Variants in NEK1 observed in about 807,000 individuals in gnomAD.
The protein encoded by NEK1 is serine/threonine-protein kinase Nek1.
In NEK1, 137 loss-of-function variants were observed where a neutral mutation model predicts 182.1. That is an observed-to-expected ratio of 0.75 (90% confidence interval 0.65 to 0.87). The LOEUF (loss-of-function observed/expected upper bound fraction) is 0.87. Ranked by LOEUF, NEK1 falls within the 40% of genes least tolerant of loss-of-function variation. NEK1 has a pLI of 0.00. For missense variants in NEK1, 1,391 were observed against 1,494.4 expected, an observed-to-expected ratio of 0.93 and a Z score of 1.14; for synonymous variants, 513 against 492.2, an observed-to-expected ratio of 1.04 and a Z score of -0.56.
At chr4:169,496,837 T>C (rs1370352965) in intron 23 of NEK1, among the ~76,000 whole-genome samples, 1 of 152,196 alleles carries the variant, frequency 6.6e-6, no homozygotes, top group Non-Finnish European at 1.5e-5. Context: ...TACATCGATG[T>C]TCATCAGGGA....
rs556130813 is a variant in NEK1 at position 169,469,402 on chromosome 4, G to A, written c.2435-6007C>T. Among the ~76,000 whole-genome samples, 3 of 152,262 alleles carry A rather than the reference G, an allele frequency of 2.0e-5. No homozygotes were observed. In the East Asian group the frequency reaches 5.8e-4, roughly 29 times the overall value. On this transcript the variant is annotated intron_variant, in intron 26 of 35. Transcript: ENST00000507142. The stretch of plus-strand genomic sequence containing the variant: ...CCCAGTAGTCATTCAGGAGCAGGTT[G>A]TTCAGTTTCCATGTAGTTGTGAGGT...
intron 26 of NEK1, among the ~76,000 whole-genome samples, chr4:169,474,181 G>C (rs1405516009): frequency 6.6e-6 from 1 of 152,144 alleles, no homozygotes; most frequent in African/African-American, 2.4e-5. Context: ...TGAAAGGTGA[G>C]AAGTAGTTCT....
chr4:169,473,755 C>T (rs777881807), intron 26 of NEK1, among the ~76,000 whole-genome samples: 1 of 151,906 alleles, frequency 6.6e-6, no homozygotes, highest in Non-Finnish European at 1.5e-5. Context: ...GAGAGGTCTA[C>T]TATTAATAGA....
In NEK1 at chr4:169,580,908, A is replaced by T. The variant is rs1261801749; in HGVS notation, c.808-6T>A. On this transcript the variant is annotated splice_region_variant and splice_polypyrimidine_tract_variant and intron_variant, in intron 10 of 35. Transcript: ENST00000507142. ...CAAAATTCTTCTGCAATAAGCTGAG[A>T]TTGAAAGAGAAAAAAATTAGAAAAG... 2 of 1,480,430 alleles carry T rather than the reference A, an allele frequency of 1.4e-6. No homozygotes were observed. Among genetic ancestry groups the T allele is most frequent in the Admixed American group, 4.5e-5 (2 of 44,750 alleles). The allele number at this position is 1,480,430 out of a possible 1,614,324, so 91.7% of individuals were successfully genotyped here. A position where few individuals can be genotyped will look rare whatever the true frequency, so the allele number is the denominator to read the frequency against.
At chr4:169,496,150 A>G (rs1378087108) in intron 23 of NEK1, among the ~76,000 whole-genome samples, 1 of 152,142 alleles carries the variant, frequency 6.6e-6, no homozygotes, top group Non-Finnish European at 1.5e-5. Flanking sequence ...TAGGTATTTT[A>G]TACTCTTTGA....
At chr4:169,467,305 C>T (rs1337140096) in intron 26 of NEK1, among the ~76,000 whole-genome samples, 1 of 151,908 alleles carries the variant, frequency 6.6e-6, no homozygotes, top group African/African-American at 2.4e-5. Flanking sequence ...GGATTCAACA[C>T]CCCCAACCCC....
chr4:169,590,938 C>T (rs2150093970), intron 5 of NEK1, 129 bp from the exon 6 acceptor site: 1 of 636,494 alleles, frequency 1.6e-6, no homozygotes, highest in East Asian at 2.8e-5. Flanking sequence ...ACTTTGTAGG[C>T]ACTGACATTA....
At chr4:169,424,351 C>G (rs1333943883) in intron 31 of NEK1, among the ~76,000 whole-genome samples, 1 of 152,058 alleles carries the variant, frequency 6.6e-6, no homozygotes. Flanking sequence ...AAAAAAAATC[C>G]TGAACAGGAA....
chr4:169,483,592 C>T lies in NEK1; in HGVS notation c.2008-4058G>A, dbSNP rs114771634. Among the ~76,000 whole-genome samples, 758 of 152,046 alleles carry T rather than the reference C, an allele frequency of 5.0e-3. 8 individuals are homozygous for T. The highest frequency in any genetic ancestry group is 7.8e-3 in the Admixed American group (119 of 15,264). On this transcript the variant is annotated intron_variant, in intron 23 of 35. Transcript: ENST00000507142. ...AAGATGTTACTACAAATAGGCCGGG[C>T]GCAGTGGCTCACACCTGTAATCCCA...
chr4:169,435,875 T>C (rs1482531504), intron 28 of NEK1, among the ~76,000 whole-genome samples: 1 of 152,144 alleles, frequency 6.6e-6, no homozygotes, highest in Non-Finnish European at 1.5e-5. Context: ...TCCAAATTCC[T>C]GACTCAAAAA....
chr4:169,513,714 G>T (rs1754577215), intron 19 of NEK1, among the ~76,000 whole-genome samples: 1 of 152,090 alleles, frequency 6.6e-6, no homozygotes, highest in South Asian at 2.1e-4. Context: ...GATGCCTATT[G>T]TGAGGTTCAG....
At position 169,530,280 on chromosome 4, in the gene NEK1, G is replaced by A. The variant is rs370616925; in HGVS notation, c.1665+7529C>T. Among the ~76,000 whole-genome samples, 24 of 152,270 alleles carry A rather than the reference G, an allele frequency of 1.6e-4. No homozygotes were observed. In the South Asian group the frequency reaches 4.6e-3, roughly 29 times the overall value. ...ACAAAAGGTTACAACATACCATTAC[G>A]TGTGCAGACAGTTTCCCACTTATGA... On this transcript the variant is annotated intron_variant, in intron 19 of 35. Coordinates refer to ENST00000507142, the MANE Select transcript of NEK1 (RefSeq NM_001199397.3).
chr4:169,393,661 C>T lies in NEK1; in HGVS notation c.*849G>A, dbSNP rs1450093660. The T allele has an allele frequency of 6.6e-6, 1 of 152,106 alleles. No individual in the cohort carries two copies. The highest frequency in any genetic ancestry group is 1.5e-5 in the Non-Finnish European group (1 of 68,014). 9.4% of individuals were successfully genotyped at this position (152,106 alleles called of 1,614,324 possible). On this transcript the variant is annotated 3_prime_UTR_variant, in exon 36 of 36. Coordinates refer to ENST00000507142, the MANE Select transcript of NEK1 (RefSeq NM_001199397.3). ...CTAGTTACCAAAACTGTCACAGTGT[C>T]AAAATAAAAATAATTATTTCCTCCT...
rs1184179950 is a variant in NEK1 at position 169,457,020 on chromosome 4, T to C, written c.2587+6223A>G. Among the ~76,000 whole-genome samples the C allele has an allele frequency of 3.3e-5, 5 of 151,976 alleles. No homozygotes were observed. In the East Asian group the frequency reaches 7.7e-4, roughly 23 times the overall value. Reference sequence around the variant, plus strand: ...TTAACAATTAAAATAACTGAACTCATGGTGATAAAGAGAGCAGAATGGTAG... The same window carrying C: ...TTAACAATTAAAATAACTGAACTCACGGTGATAAAGAGAGCAGAATGGTAG... On this transcript the variant is annotated intron_variant, in intron 27 of 35. Coordinates refer to ENST00000507142, the MANE Select transcript of NEK1 (RefSeq NM_001199397.3).
chr4:169,463,410 T>C lies in NEK1; in HGVS notation c.2435-15A>G, dbSNP rs1349374868. On this transcript the variant is annotated splice_polypyrimidine_tract_variant and intron_variant, in intron 26 of 35. Transcript: ENST00000507142. Reference sequence around the variant, plus strand: ...CACTGTATGTCCTATAAGAAAAATATACAAAGAAACAATTTTCAATAACAG... The same window carrying C: ...CACTGTATGTCCTATAAGAAAAATACACAAAGAAACAATTTTCAATAACAG... 1.3e-6 allele frequency: 2 copies of C among 1,576,326 alleles called. No homozygotes were observed. Among genetic ancestry groups the C allele is most frequent in the Non-Finnish European group, 1.7e-6 (2 of 1,156,778 alleles).
rs1738785947 is a variant in NEK1, at chr4:169,438,218, C to T, written c.2629G>A (p.Gly877Arg). The T allele has an allele frequency of 6.4e-7, 1 of 1,569,362 alleles. No homozygotes were observed. The highest frequency in any genetic ancestry group is 8.7e-7 in the Non-Finnish European group (1 of 1,155,524). ...EGEKYKPLIT[G>R]EKKVQCISHE... ...GAAATACATTGTACTTTTTTTTCTCCAGTAATTAAGGGTTTGTACTTTTCC... is the reference window on the plus strand; with the variant it reads ...GAAATACATTGTACTTTTTTTTCTCTAGTAATTAAGGGTTTGTACTTTTCC... The change falls in exon 28 of 36, where the codon GGA (glycine) becomes AGA (arginine). Residue 877 changes from glycine to arginine, a missense_variant. Physicochemically the swap from Gly to Arg is moderately radical, Grantham distance 125. Around this residue, in one of 5 missense-constraint regions of NEK1, gnomAD observed 1,216 missense variants for 1,277.6 expected, o/e 0.95. Coordinates refer to ENST00000507142, the MANE Select transcript of NEK1 (RefSeq NM_001199397.3).
chr4:169,570,220 C>T (rs1314463949), intron 12 of NEK1, among the ~76,000 whole-genome samples: 4 of 151,472 alleles, frequency 2.6e-5, no homozygotes, highest in Non-Finnish European at 5.9e-5. Flanking sequence ...TCTGCCTGGC[C>T]GCCCCGTCTG....
intron 23 of NEK1, among the ~76,000 whole-genome samples, chr4:169,489,490 G>C (rs970909127): frequency 8.5e-5 from 13 of 152,206 alleles, no homozygotes; most frequent in African/African-American, 2.9e-4. Flanking sequence ...CACAGGCTAA[G>C]TATGGCCATA....
At chr4:169,447,517 T>C (rs1427229037) in intron 27 of NEK1, among the ~76,000 whole-genome samples, 1 of 152,104 alleles carries the variant, frequency 6.6e-6, no homozygotes, top group African/African-American at 2.4e-5. Flanking sequence ...CACAGAATAT[T>C]AGAACACTGT....
Sources: gnomAD v4.1 joint callset for allele counts (sites outside exome capture counted in the v4.1 genomes callset) on GRCh38, gnomAD v4.1.1 for gene constraint, gnomAD v4.1.1 regional missense constraint, MANE v1.5 for transcripts, NCBI Gene and HGNC (gene_info 2026-07-23, HGNC 2026-07-21) for gene names.